Variants in HPSE2 observed in about 807,000 individuals in gnomAD.
HPSE2 encodes the protein inactive heparanase-2.
HPSE2 carries 38 observed loss-of-function variants against 60.5 expected under a neutral mutation model. The ratio of observed to expected loss-of-function variants is 0.63; its 90% CI spans 0.48 to 0.82. The LOEUF is 0.82. Ranked by LOEUF, HPSE2 falls within the 40% of genes least tolerant of loss-of-function variation. The pLI is 0.00. For synonymous variants in HPSE2, 295 were observed against 293.2 expected (o/e 1.01, Z -0.06); for missense variants, 713 against 740.4 (o/e 0.96, Z 0.43).
intron 2 of HPSE2, among the ~76,000 whole-genome samples, chr10:99,168,725 T>TCC (rs1017346048): frequency 6.6e-6 from 1 of 152,172 alleles, no homozygotes; most frequent in African/African-American, 2.4e-5. Flanking sequence ...GAAACCTCAG[T>TCC]CCCCTCACAG....
At chr10:99,073,939 G>GTTTTTT (rs34409713) in intron 3 of HPSE2, among the ~76,000 whole-genome samples, 1 of 127,904 alleles carries the variant, frequency 7.8e-6, no homozygotes, top group Admixed American at 8.0e-5. Context: ...AGTTCCAAAA[G>GTTTTTT]TTTTTTTTTT....
the HPSE2 span, among the ~76,000 whole-genome samples, chr10:99,269,848 T>C: frequency 6.6e-6 from 1 of 152,166 alleles, no homozygotes; most frequent in African/African-American, 2.4e-5. Flanking sequence ...TGCAAATATG[T>C]GGAAATTAAA....
chr10:99,299,052 A>G, the HPSE2 span, among the ~76,000 whole-genome samples: 1 of 152,248 alleles, frequency 6.6e-6, no homozygotes, highest in African/African-American at 2.4e-5. Context: ...TGATACTCCC[A>G]GAGACCCAGA....
At chr10:98,717,860 A>G (rs1458667072) in intron 5 of HPSE2, among the ~76,000 whole-genome samples, 2 of 152,188 alleles carry the variant, frequency 1.3e-5, no homozygotes, top group East Asian at 3.8e-4. Context: ...AGCGCAATAA[A>G]TATGAGGTTT....
intron 3 of HPSE2, among the ~76,000 whole-genome samples, chr10:99,143,347 T>TG (rs1554898852): frequency 2.0e-4 from 30 of 148,248 alleles, no homozygotes; most frequent in African/African-American, 7.1e-4. Context: ...AAGAAGTCTG[T>TG]AAAAAAAAAA....
chr10:99,202,297 C>T (rs900625323), intron 2 of HPSE2, among the ~76,000 whole-genome samples: 5 of 152,146 alleles, frequency 3.3e-5, no homozygotes, highest in African/African-American at 1.2e-4. Context: ...TCGTTAGCCC[C>T]TATTTGGCTT....
intron 3 of HPSE2, among the ~76,000 whole-genome samples, chr10:98,871,880 G>A (rs566786443): frequency 1.2e-4 from 18 of 152,206 alleles, no homozygotes; most frequent in Admixed American, 9.8e-4. Context: ...CTCAGCAATA[G>A]AAGTTGAACC....
intron 3 of HPSE2, among the ~76,000 whole-genome samples, chr10:99,067,046 T>C (rs987682727): frequency 2.0e-5 from 3 of 152,196 alleles, no homozygotes; most frequent in Non-Finnish European, 4.4e-5. Context: ...ATAGACCCTA[T>C]GCAAATCCAA....
intron 3 of HPSE2, among the ~76,000 whole-genome samples, chr10:98,975,372 T>A (rs770729422): frequency 6.6e-6 from 1 of 152,186 alleles, no homozygotes; most frequent in Non-Finnish European, 1.5e-5. Context: ...TACATCAAAC[T>A]CTAGTTGTAT....
chr10:98,881,900 G>T (rs768969710), intron 3 of HPSE2, among the ~76,000 whole-genome samples: 7 of 151,990 alleles, frequency 4.6e-5, no homozygotes, highest in Non-Finnish European at 7.4e-5. Context: ...GCATCCATTG[G>T]AAGTGTATAC....
At chr10:99,095,343 T>C (rs898097953) in intron 3 of HPSE2, among the ~76,000 whole-genome samples, 1 of 152,224 alleles carries the variant, frequency 6.6e-6, no homozygotes, top group Non-Finnish European at 1.5e-5. Context: ...TCACTTTCAC[T>C]GATATTTCTA....
At chr10:98,888,469 T>C (rs1379548799) in intron 3 of HPSE2, among the ~76,000 whole-genome samples, 1 of 152,222 alleles carries the variant, frequency 6.6e-6, no homozygotes, top group Non-Finnish European at 1.5e-5. Context: ...TGAGCTTCTA[T>C]GAGAAAACAA....
chr10:98,482,091 T>C (rs1462500099), intron 11 of HPSE2, among the ~76,000 whole-genome samples: 1 of 152,208 alleles, frequency 6.6e-6, no homozygotes, highest in African/African-American at 2.4e-5. Flanking sequence ...GGAGCAGTGA[T>C]GTGCTCAAGT....
chr10:98,898,153 T>C (rs566213859), intron 3 of HPSE2, among the ~76,000 whole-genome samples: 16 of 152,102 alleles, frequency 1.1e-4, no homozygotes, highest in Non-Finnish European at 2.1e-4. Context: ...GTACTGCCAC[T>C]AAAAGACAGT....
chr10:98,685,332 T>G (rs1055080890), intron 6 of HPSE2, among the ~76,000 whole-genome samples: 1 of 152,192 alleles, frequency 6.6e-6, no homozygotes, highest in Admixed American at 6.5e-5. Context: ...AAATTTTGAT[T>G]AAATGCATAC....
chr10:99,174,645 C>T (rs1847450796), intron 2 of HPSE2, among the ~76,000 whole-genome samples: 1 of 152,164 alleles, frequency 6.6e-6, no homozygotes, highest in African/African-American at 2.4e-5. Context: ...GAACTACTAG[C>T]TGTTACAGGA....
In HPSE2 at chr10:98,953,050, C is replaced by T. The variant is rs1032707458; in HGVS notation, c.610+191188G>A. ...CCCAACACACACTTTCTCTCCCCCA[C>T]GACTTCTGCCAGGGCCTGGAATGAG... On this transcript the variant is annotated intron_variant, in intron 3 of 11. Coordinates refer to ENST00000370552, the MANE Select transcript of HPSE2 (RefSeq NM_021828.5). Among the ~76,000 whole-genome samples, 8 of 152,248 alleles carry T rather than the reference C, an allele frequency of 5.3e-5. No homozygotes were observed. In the South Asian group the frequency reaches 6.2e-4, roughly 12 times the overall value.
rs570170483 is a variant in HPSE2, at chr10:99,145,096, C to T, written c.449-697G>A. 1.1e-4 allele frequency among the ~76,000 whole-genome samples: 16 copies of T among 152,284 alleles called. No homozygotes were observed. The East Asian group carries it at 2.1e-3, about 20-fold the overall frequency. ...TTTTCCCATACTGCTTTTTATACTTCGGAATGATTTTCATTCAAAGCAGAT... is the reference window on the plus strand; with the variant it reads ...TTTTCCCATACTGCTTTTTATACTTTGGAATGATTTTCATTCAAAGCAGAT... On this transcript the variant is annotated intron_variant, in intron 2 of 11. Transcript: ENST00000370552.
chr10:99,140,596 C>A (rs1302946735), intron 3 of HPSE2, among the ~76,000 whole-genome samples: 1 of 152,142 alleles, frequency 6.6e-6, no homozygotes, highest in Non-Finnish European at 1.5e-5. Context: ...ATAAGGTTGA[C>A]TTAACTTTTA....
Sources: gnomAD v4.1 joint callset for allele counts (sites outside exome capture counted in the v4.1 genomes callset) on GRCh38, gnomAD v4.1.1 for gene constraint, MANE v1.5 for transcripts, NCBI Gene and HGNC (gene_info 2026-07-23, HGNC 2026-07-21) for gene names.